The following EPRS1 variants were observed in gnomAD, a reference collection of about 807,000 sequenced individuals.
EPRS1 encodes bifunctional glutamate/proline--tRNA ligase.
A neutral mutation model predicts 188.3 loss-of-function variants in EPRS1; 107 were observed. The ratio of observed to expected loss-of-function variants is 0.57; its 90% CI spans 0.49 to 0.67. The LOEUF (loss-of-function observed/expected upper bound fraction) is 0.67, where lower values mean the gene tolerates loss of function less well. EPRS1 is among the 30% of genes least tolerant of loss of function. EPRS1 has a pLI of 0.00. For missense variants in EPRS1, 1,577 were observed against 1,802.2 expected (o/e 0.88, Z 2.26); for synonymous variants, 596 against 593.1 (o/e 1.00, Z -0.07).
intron 13 of EPRS1, among the ~76,000 whole-genome samples, chr1:220,008,574 G>A (rs544840063): frequency 1.8e-4 from 28 of 152,230 alleles, no homozygotes; most frequent in African/African-American, 6.5e-4. Context: ...ACTTTGCGAC[G>A]GAAATGTTAT....
chr1:220,025,057 C>T (rs770599682), intron 7 of EPRS1, 75 bp downstream of exon 7: 1 of 1,389,216 alleles, frequency 7.2e-7, no homozygotes, highest in Admixed American at 1.7e-5. Flanking sequence ...TATTTTCATA[C>T]CATGAAGGTA....
At chr1:219,969,314 C>T in intron 30 of EPRS1, 192 bp from the exon 31 acceptor site, 5 of 583,578 alleles carry the variant, frequency 8.6e-6, no homozygotes, top group Non-Finnish European at 1.2e-5. Flanking sequence ...GAATGTTTTT[C>T]CACTATCCAA....
intron 13 of EPRS1, 78 bp downstream of exon 13, chr1:220,010,868 T>C (rs934981180): frequency 3.0e-5 from 24 of 812,952 alleles, no homozygotes; most frequent in South Asian, 2.5e-4. Context: ...GCCACTGCCA[T>C]GAAAGCACAT....
chr1:220,018,368 A>C, intron 12 of EPRS1, 81 bp downstream of exon 12: 4 of 1,162,704 alleles, frequency 3.4e-6, no homozygotes, highest in Non-Finnish European at 5.2e-6. Context: ...TTTCTCTACC[A>C]TGAGCACAGT....
In EPRS1 at chr1:220,033,617, T is replaced by C; in HGVS notation, c.273A>G (p.Ser91=). 1 of 1,609,374 alleles carries C rather than the reference T, an allele frequency of 6.2e-7. No individual in the cohort carries two copies. Reference sequence around the variant, plus strand: ...TAATTGTAGAAGTAAAGGAATCACATGAAGATAATTTTGTAGCACTGAACT... The same window carrying C: ...TAATTGTAGAAGTAAAGGAATCACACGAAGATAATTTTGTAGCACTGAACT... ...WLEFSATKLS[S]CDSFTSTINE... Residue 91 remains serine (S), a synonymous_variant, in exon 4 of 32, where the codon TCA becomes TCG. Transcript: ENST00000366923.
intron 10 of EPRS1, 64 bp from the exon 11 acceptor site, chr1:220,019,143 G>C (rs927902472): frequency 1.1e-6 from 1 of 949,286 alleles, no homozygotes; most frequent in Admixed American, 1.8e-5. Context: ...GAGAGTAGAA[G>C]ATACTTAATC....
Position 219,980,810 on chromosome 1 carries a change from A to T in EPRS1, c.3501T>A (p.Phe1167Leu). ...AAGCACTGTGCCCTTCCTGCCAAAG[A>T]AATTCACGAGTACGTAGGAAAGGCT... The part of the protein sequence containing the change: ...HPQPFLRTRE[F>L]LWQEGHSAFA... Residue 1167 changes from phenylalanine to leucine, a missense_variant, in exon 25 of 32, where the codon TTT becomes TTA. Physicochemically the swap from Phe to Leu is conservative, Grantham distance 22. Around this residue, in one of 3 missense-constraint regions of EPRS1, gnomAD observed 1,278 missense variants for 1,457.4 expected, o/e 0.88. Coordinates refer to ENST00000366923, the MANE Select transcript of EPRS1 (RefSeq NM_004446.3). The T allele has an allele frequency of 6.2e-7, 1 of 1,613,682 alleles. No homozygotes were observed. Among genetic ancestry groups the T allele is most frequent in the South Asian group, 1.1e-5 (1 of 90,936 alleles).
intron 12 of EPRS1, among the ~76,000 whole-genome samples, chr1:220,016,617 C>T (rs571502913): frequency 5.1e-4 from 54 of 106,750 alleles, no homozygotes; most frequent in Non-Finnish European, 8.4e-4. Flanking sequence ...TGGGGTATCA[C>T]TATGTTGTCT....
intron 13 of EPRS1, 39 bp from the exon 14 acceptor site, chr1:220,007,377 C>T: frequency 6.3e-7 from 1 of 1,588,662 alleles, no homozygotes. Flanking sequence ...GTTGAAACAA[C>T]AACTTATTGA....
At chr1:220,038,244 G>A (rs943162751) in intron 2 of EPRS1, among the ~76,000 whole-genome samples, 3 of 151,656 alleles carry the variant, frequency 2.0e-5, no homozygotes, top group Non-Finnish European at 2.9e-5. Flanking sequence ...AACCATGCCC[G>A]GCAAGTTTTG....
intron 30 of EPRS1, 64 bp downstream of exon 30, chr1:219,972,005 A>G (rs1320808996): frequency 4.0e-6 from 4 of 1,001,462 alleles, no homozygotes; most frequent in Non-Finnish European, 6.0e-6. Context: ...CATAAATTCA[A>G]TGAGCCTTAA....
At chr1:219,986,031 A>C (rs1170730962) in intron 20 of EPRS1, among the ~76,000 whole-genome samples, 1 of 152,234 alleles carries the variant, frequency 6.6e-6, no homozygotes, top group Non-Finnish European at 1.5e-5. Context: ...AACTCTGGTT[A>C]TTCAGTTTAA....
Position 220,005,721 on chromosome 1 carries a change from C to T in EPRS1, c.1951-361G>A, listed in dbSNP as rs144303828. 5.3e-3 allele frequency among the ~76,000 whole-genome samples: 805 copies of T among 152,132 alleles called. 5 individuals carry two copies. The highest frequency in any genetic ancestry group is 6.9e-3 in the Non-Finnish European group (470 of 68,002). On this transcript the variant is annotated intron_variant, in intron 15 of 31. Transcript: ENST00000366923. ...TAAATACGAGGGTCAGATTTGAATCCCAACTCTACTATTTACTGTTTGTCC... is the reference window on the plus strand; with the variant it reads ...TAAATACGAGGGTCAGATTTGAATCTCAACTCTACTATTTACTGTTTGTCC...
rs1286768991 is a variant in EPRS1, at chr1:219,999,903, G to C, written c.2181+1235C>G. On this transcript the variant is annotated intron_variant, in intron 17 of 31. Coordinates refer to ENST00000366923, the MANE Select transcript of EPRS1 (RefSeq NM_004446.3). ...AGGCAAGAAAATCGCTTGAAGCCAG[G>C]AGGTGGAGGTTACACTGAGCCAAGA... is the stretch of plus-strand genomic sequence containing the variant. 1.1e-4 allele frequency among the ~76,000 whole-genome samples: 17 copies of C among 152,264 alleles called. No homozygotes were observed. In the East Asian group the frequency reaches 3.3e-3, roughly 29 times the overall value.
chr1:219,981,535 G>T, intron 23 of EPRS1, 78 bp from the exon 24 acceptor site: 1 of 726,014 alleles, frequency 1.4e-6, no homozygotes, highest in Non-Finnish European at 2.3e-6. Context: ...AAACCAGCAA[G>T]ATAATTAATA....
intron 1 of EPRS1, among the ~76,000 whole-genome samples, chr1:220,042,756 C>T (rs778584931): frequency 3.0e-4 from 46 of 150,972 alleles, no homozygotes; most frequent in Non-Finnish European, 5.3e-4. Flanking sequence ...TCCGTCTCTA[C>T]TAAAAATACA....
chr1:219,988,020 T>G (rs1420167387), intron 19 of EPRS1, among the ~76,000 whole-genome samples: 1 of 152,176 alleles, frequency 6.6e-6, no homozygotes, highest in African/African-American at 2.4e-5. Flanking sequence ...TTAAATTACA[T>G]AAGTTGAACA....
intron 13 of EPRS1, among the ~76,000 whole-genome samples, chr1:220,008,973 C>T (rs1566252): frequency 0.8 from 122,075 of 152,206 alleles, 49,123 homozygotes; most frequent in East Asian, 0.93. Flanking sequence ...ACCAACCTAG[C>T]AATTTAATCT....
At chr1:220,042,669 C>A (rs963583234) in intron 1 of EPRS1, among the ~76,000 whole-genome samples, 2 of 152,002 alleles carry the variant, frequency 1.3e-5, no homozygotes, top group Non-Finnish European at 2.9e-5. Context: ...TGCCTGTAAT[C>A]CCAGCACTTT....
Sources: gnomAD v4.1 joint callset for allele counts (sites outside exome capture counted in the v4.1 genomes callset) on GRCh38, gnomAD v4.1.1 for gene constraint, gnomAD v4.1.1 regional missense constraint, MANE v1.5 for transcripts, NCBI Gene and HGNC (gene_info 2026-07-23, HGNC 2026-07-21) for gene names.